CHD7: variants seen among roughly 807,000 people sequenced by gnomAD.
The protein encoded by CHD7 is ATP-dependent chromatin remodeler CHD7.
CHD7 carries 24 observed loss-of-function variants against 307.3 expected under a neutral mutation model. The observed-to-expected ratio is 0.08, with a 90% CI of 0.06 to 0.11. The LOEUF is 0.11. CHD7 is among the 10% of genes least tolerant of loss of function. The probability of loss-of-function intolerance (pLI) is 1.00; values close to 1 mark genes in which losing one functional copy is unlikely to be tolerated. For missense variants in CHD7, 3,106 were observed against 3,727.1 expected (o/e 0.83, Z 4.34); for synonymous variants, 1,363 against 1,349.9 (o/e 1.01, Z -0.21).
rs1586255630 is a variant in CHD7, at chr8:60,744,865, A to ATTTT, written c.1665+1768_1665+1769insTTTT. On this transcript the variant is annotated intron_variant, in intron 2 of 37. Coordinates refer to ENST00000423902, the MANE Select transcript of CHD7 (RefSeq NM_017780.4). ...GCGAGACTCCATCTAAAAAAAAAAA[A>ATTTT]ATTTTTTTTTTTTTAATTTTAGATT... Among the ~76,000 whole-genome samples, 3 of 149,136 alleles carry ATTTT rather than the reference A, an allele frequency of 2.0e-5. No homozygotes were observed. In the East Asian group the frequency reaches 5.9e-4, roughly 29 times the overall value.
intron 1 of CHD7, among the ~76,000 whole-genome samples, chr8:60,726,429 T>C (rs923425245): frequency 2.6e-5 from 4 of 152,254 alleles, no homozygotes; most frequent in Admixed American, 2.6e-4. Context: ...ATTTAAAATT[T>C]TCATAAAATA....
Position 60,856,465 on chromosome 8 carries a change from T to A in CHD7, c.7185T>A (p.Ser2395=), listed in dbSNP as rs202219934. The A allele has an allele frequency of 2.5e-6, 4 of 1,612,734 alleles. No individual in the cohort carries two copies. Among genetic ancestry groups the A allele is most frequent in the Non-Finnish European group, 2.5e-6 (3 of 1,179,262 alleles). ...QLSKEDALNL[S]VPRQRRRRRR... ...AATAGGAAGATGCCCTCAACCTCTC[T>A]GTCCCTCGCCAGCGGAGGAGGAGGA... The change falls in exon 34 of 38, where the codon TCT becomes TCA. Residue 2395 remains serine (S), a synonymous_variant. Coordinates refer to ENST00000423902, the MANE Select transcript of CHD7 (RefSeq NM_017780.4).
chr8:60,803,922 C>T (rs1403064295), intron 6 of CHD7, among the ~76,000 whole-genome samples: 1 of 152,208 alleles, frequency 6.6e-6, no homozygotes, highest in African/African-American at 2.4e-5. Context: ...GTCTTTATCT[C>T]TGCCAGGCAG....
At chr8:60,851,850 T>C (rs926080511) in intron 28 of CHD7, among the ~76,000 whole-genome samples, 169 bp from the exon 29 acceptor site, 2 of 152,230 alleles carry the variant, frequency 1.3e-5, no homozygotes, top group Non-Finnish European at 2.9e-5. Context: ...AATAAGTGTA[T>C]ATATTCCAAG....
At chr8:60,837,598 A>C (rs1022489727) in intron 17 of CHD7, 70 bp from the exon 18 acceptor site, 20 of 1,313,012 alleles carry the variant, frequency 1.5e-5, no homozygotes, top group Non-Finnish European at 2.0e-5. Flanking sequence ...GGGTTTCAGC[A>C]TATGAATTTG....
Position 60,860,967 on chromosome 8 carries a change from C to T in CHD7, c.7672C>T (p.Pro2558Ser), listed in dbSNP as rs1341387039. The T allele has an allele frequency of 1.9e-6, 3 of 1,613,888 alleles. No homozygotes were observed. The highest frequency in any genetic ancestry group is 2.5e-6 in the Non-Finnish European group (3 of 1,179,902). Residue 2558 changes from proline to serine, a missense_variant, in exon 35 of 38, where the codon CCT (proline) becomes TCT (serine). Around this residue, in one of 10 missense-constraint regions of CHD7, gnomAD observed 1,030 missense variants for 1,165.4 expected, o/e 0.88. Coordinates refer to ENST00000423902, the MANE Select transcript of CHD7 (RefSeq NM_017780.4). Reference protein sequence around the residue: ...DIETPPTRNIPSPGQLDPDTR... With the variant: ...DIETPPTRNISSPGQLDPDTR... ...AGAGACCCCACCAACAAGAAACATTCCTTCTCCCGGACAGCTGGACCCAGA... is the reference window on the plus strand; with the variant it reads ...AGAGACCCCACCAACAAGAAACATTTCTTCTCCCGGACAGCTGGACCCAGA...
chr8:60,816,113 G>GTCTGTCTGTCTC lies in CHD7; in HGVS notation c.2499-271_2499-270insGTCTGTCTCTCT, dbSNP rs58405811. 7.1e-3 allele frequency among the ~76,000 whole-genome samples: 988 copies of GTCTGTCTGTCTC among 139,268 alleles called. 9 individuals are homozygous for GTCTGTCTGTCTC. The highest frequency in any genetic ancestry group is 0.023 in the African/African-American group (806 of 34,960). The allele number at this position is 139,268 out of a possible 152,430, so 91.4% of individuals were successfully genotyped here. A position where few individuals can be genotyped will look rare whatever the true frequency, so the allele number is the denominator to read the frequency against. On this transcript the variant is annotated intron_variant, in intron 7 of 37. Coordinates refer to ENST00000423902, the MANE Select transcript of CHD7 (RefSeq NM_017780.4). ...GTCTCTTTTGTCTGTCTGTCTGTCT[G>GTCTGTCTGTCTC]TCTCTCTCTCTCTCTCTCTCTCTCT...
At chr8:60,841,580 G>A (rs1267767624) in intron 19 of CHD7, 64 bp from the exon 20 acceptor site, 2 of 1,264,744 alleles carry the variant, frequency 1.6e-6, no homozygotes, top group Non-Finnish European at 2.3e-6. Flanking sequence ...ATAAACAAAA[G>A]CTGCTTTACA....
At chr8:60,698,911 A>G (rs1478773769) in intron 1 of CHD7, among the ~76,000 whole-genome samples, 7 of 152,110 alleles carry the variant, frequency 4.6e-5, no homozygotes, top group Non-Finnish European at 7.4e-5. Flanking sequence ...CTCAGCCTCC[A>G]GAGTAGCTGG....
chr8:60,793,643 C>T (rs1354149532), intron 3 of CHD7, among the ~76,000 whole-genome samples: 1 of 152,140 alleles, frequency 6.6e-6, no homozygotes, highest in Non-Finnish European at 1.5e-5. Context: ...TGCATTCTGT[C>T]AGCACATTTT....
At position 60,856,681 on chromosome 8, in the gene CHD7, G is replaced by A; in HGVS notation, c.7401G>A (p.Leu2467=). ...NFSSLSSKFI[L]PNVSTPVSDA... ...CATCTCTTTCTTCAAAGTTTATCTTGCCTAATGTCTCAACACCAGTGTCTG... is the reference window on the plus strand; with the variant it reads ...CATCTCTTTCTTCAAAGTTTATCTTACCTAATGTCTCAACACCAGTGTCTG... The change falls in exon 34 of 38, where the codon TTG becomes TTA. Residue 2467 remains leucine, a synonymous_variant. Transcript: ENST00000423902. The A allele has an allele frequency of 6.2e-7, 1 of 1,614,020 alleles. No homozygotes were observed.
At chr8:60,693,214 C>A (rs1319562717) in intron 1 of CHD7, among the ~76,000 whole-genome samples, 4 of 152,206 alleles carry the variant, frequency 2.6e-5, no homozygotes, top group African/African-American at 9.6e-5. Context: ...AGAGCGCAGT[C>A]CCAGGCCTGC....
intron 2 of CHD7, among the ~76,000 whole-genome samples, chr8:60,771,238 C>T (rs1252231377): frequency 6.6e-6 from 1 of 152,168 alleles, no homozygotes; most frequent in Non-Finnish European, 1.5e-5. Context: ...ATGAGAGTTG[C>T]AGAAGATTTT....
rs759929302 is a variant in CHD7, at chr8:60,823,862, A to G, written c.3224A>G (p.Tyr1075Cys). 7.4e-6 allele frequency: 12 copies of G among 1,613,778 alleles called. No individual in the cohort carries two copies. Among genetic ancestry groups the G allele is most frequent in the Middle Eastern group, 1.6e-4 (1 of 6,084 alleles). The change falls in exon 13 of 38, where the codon TAT becomes TGT. Residue 1075 changes from tyrosine to cysteine, a missense_variant. This residue lies in a region of CHD7 where 232 missense variants were observed against 422.5 expected (regional missense o/e 0.55). Transcript: ENST00000423902. Reference protein sequence around the residue: ...DPQGRVIKGSYKFHAIITTFE... With the variant: ...DPQGRVIKGSCKFHAIITTFE... ...TAGGGTCGAGTGATAAAGGGGTCCT[A>G]TAAGTTTCATGCCATCATCACTACA... is the stretch of plus-strand genomic sequence containing the variant.
rs559703899 is a variant in CHD7 at position 60,840,429 on chromosome 8, G to C, written c.4534-1215G>C. On this transcript the variant is annotated intron_variant, in intron 19 of 37. Transcript: ENST00000423902. ...CATCATTCAGATGCCTGAGATGGAT[G>C]CTGAGGTTTTTCTGGCTTCCGCTTC... 1.1e-4 allele frequency among the ~76,000 whole-genome samples: 17 copies of C among 152,280 alleles called. No homozygotes were observed. In the South Asian group the frequency reaches 3.3e-3, roughly 30 times the overall value.
Position 60,852,895 on chromosome 8 carries a change from G to T in CHD7, c.6170G>T (p.Arg2057Leu), listed in dbSNP as rs1318631549. Residue 2057 changes from arginine to leucine, a missense_variant, in exon 31 of 38, where the codon CGC becomes CTC. Transcript: ENST00000423902. ...TEERASRTLY[R>L]IELLRKIREQ... Reference sequence around the variant, plus strand: ...GAGCGAGCCTCTCGAACTCTGTACCGCATTGAGCTGCTACGGAAGATCCGC... The same window carrying T: ...GAGCGAGCCTCTCGAACTCTGTACCTCATTGAGCTGCTACGGAAGATCCGC... The T allele has an allele frequency of 6.2e-7, 1 of 1,613,926 alleles. No individual in the cohort carries two copies.
chr8:60,798,774 T>C (rs1812153536), intron 4 of CHD7, among the ~76,000 whole-genome samples: 1 of 152,246 alleles, frequency 6.6e-6, no homozygotes, highest in Non-Finnish European at 1.5e-5. Flanking sequence ...TAGGTTGTAA[T>C]ATTCTTGAAT....
At position 60,860,823 on chromosome 8, in the gene CHD7, G is replaced by C. The variant is rs1384714756; in HGVS notation, c.7609-81G>C. ...TCTTTTTGATAAAAGATCCATTCTA[G>C]GATAGCGTTTTCTTGAAATAGGACA... On this transcript the variant is annotated intron_variant, in intron 34 of 37. Transcript: ENST00000423902. 1.6e-5 allele frequency: 16 copies of C among 996,466 alleles called. No homozygotes were observed. The East Asian group carries it at 3.8e-4, about 24-fold the overall frequency. The allele number at this position is 996,466 out of a possible 1,614,324, so 61.7% of individuals were successfully genotyped here.
At chr8:60,851,180 T>C (rs2150806011) in intron 27 of CHD7, 76 bp downstream of exon 27, 2 of 1,480,058 alleles carry the variant, frequency 1.4e-6, no homozygotes, top group Non-Finnish European at 1.8e-6. Context: ...TTAAACTTTA[T>C]AGATAATGAC....
Sources: gnomAD v4.1 joint callset for allele counts (sites outside exome capture counted in the v4.1 genomes callset) on GRCh38, gnomAD v4.1.1 for gene constraint, gnomAD v4.1.1 regional missense constraint, MANE v1.5 for transcripts, NCBI Gene and HGNC (gene_info 2026-07-23, HGNC 2026-07-21) for gene names.